ZFHX3: variants seen among roughly 807,000 people sequenced by gnomAD.
The protein encoded by ZFHX3 is zinc finger homeobox 3.
In ZFHX3, 42 loss-of-function variants were observed where a neutral mutation model predicts 279.1. The ratio of observed to expected loss-of-function variants is 0.15; its 90% CI spans 0.12 to 0.19. The LOEUF (loss-of-function observed/expected upper bound fraction) is 0.19. ZFHX3 is among the 10% of genes least tolerant of loss of function. ZFHX3 has a pLI of 1.00. For synonymous variants in ZFHX3, 2,293 were observed against 1,957.8 expected, an observed-to-expected ratio of 1.17 and a Z score of -4.52; for missense variants, 4,981 against 4,754.0, an observed-to-expected ratio of 1.05 and a Z score of -1.40.
chr16:73,545,159 C>T (rs539547840), intron 2 of ZFHX3, among the ~76,000 whole-genome samples: 50 of 152,158 alleles, frequency 3.3e-4, no homozygotes, highest in African/African-American at 1.1e-3. Context: ...CCGACCCCCA[C>T]CTCTGCTAAA....
chr16:73,562,569 C>T lies in ZFHX3; in HGVS notation c.-1546-106311G>A, dbSNP rs187282311. Among the ~76,000 whole-genome samples the T allele has an allele frequency of 3.0e-3, 418 of 139,062 alleles. 1 individual carries two copies. The highest frequency in any genetic ancestry group is 5.3e-3 in the Non-Finnish European group (353 of 66,814). The allele number at this position is 139,062 out of a possible 152,430, so 91.2% of individuals were successfully genotyped here. A position where few individuals can be genotyped will look rare whatever the true frequency, so the allele number is the denominator to read the frequency against. The stretch of plus-strand genomic sequence containing the variant: ...CGAGATGGCGCCACTGAACTCCAGC[C>T]TGGGCGACAGAGCCAGACTCCGTCT... On this transcript the variant is annotated intron_variant, in intron 2 of 17. Coordinates refer to the ZFHX3 transcript ENST00000641206.
At chr16:72,966,319 T>C (rs984104534) in intron 1 of ZFHX3, among the ~76,000 whole-genome samples, 3 of 152,198 alleles carry the variant, frequency 2.0e-5, no homozygotes, top group East Asian at 1.9e-4. Context: ...AAACTTTAGA[T>C]GGAAAAACAT....
At position 72,798,719 on chromosome 16, in the gene ZFHX3, TAAAA is replaced by T. The variant is rs75174704; in HGVS notation, c.3968-9_3968-6del. 1.4e-6 allele frequency: 2 copies of T among 1,433,066 alleles called. No individual in the cohort carries two copies. The highest frequency in any genetic ancestry group is 1.5e-5 in the African/African-American group (1 of 67,124). 88.8% of individuals were successfully genotyped at this position (1,433,066 alleles called of 1,614,324 possible). A position where few individuals can be genotyped will look rare whatever the true frequency, so the allele number is the denominator to read the frequency against. ...TTCCCAGATCCTCTGAGGTTTCTGT[TAAAA>T]AAAAAAAAAAAATCAAACCCAAAGA... is the stretch of plus-strand genomic sequence containing the variant. On this transcript the variant is annotated splice_region_variant and splice_polypyrimidine_tract_variant and intron_variant, in intron 8 of 9. Coordinates refer to ENST00000268489, the MANE Select transcript of ZFHX3 (RefSeq NM_006885.4).
intron 3 of ZFHX3, among the ~76,000 whole-genome samples, chr16:73,392,336 T>G (rs935409098): frequency 2.2e-5 from 3 of 138,378 alleles, no homozygotes; most frequent in African/African-American, 5.4e-5. Context: ...CACGGGACCC[T>G]TGAACCCTGG....
chr16:73,127,427 G>A (rs1966588680), intron 7 of ZFHX3: 1 of 1,305,376 alleles, frequency 7.7e-7, no homozygotes, highest in Non-Finnish European at 1.0e-6. Flanking sequence ...AGTAGCTGGA[G>A]CATCTCTGTT....
At chr16:73,610,015 G>C (rs1350666388) in intron 2 of ZFHX3, 5 of 152,154 alleles carry the variant, frequency 3.3e-5, no homozygotes, top group Non-Finnish European at 7.3e-5. Flanking sequence ...TACTGATTCT[G>C]TGTAGTAGAG....
rs752051101 is a variant in ZFHX3 at position 72,796,305 on chromosome 16, G to A, written c.6377C>T (p.Ala2126Val). 1.5e-5 allele frequency: 25 copies of A among 1,613,984 alleles called. No homozygotes were observed. Among genetic ancestry groups the A allele is most frequent in the East Asian group, 2.2e-5 (1 of 44,894 alleles). Residue 2126 changes from alanine to valine, a missense_variant, in exon 9 of 10, where the codon GCG (alanine) becomes GTG (valine). Physicochemically the swap from Ala to Val is moderately conservative, Grantham distance 64. Coordinates refer to ENST00000268489, the MANE Select transcript of ZFHX3 (RefSeq NM_006885.4). Reference protein sequence around the residue: ...PQLGPVEPLPADLAQLYQHQL... With the variant: ...PQLGPVEPLPVDLAQLYQHQL... Reference sequence around the variant, plus strand: ...ATGCTGGTAGAGTTGGGCCAGGTCCGCAGGCAGAGGCTCCACAGGTCCCAG... The same window carrying A: ...ATGCTGGTAGAGTTGGGCCAGGTCCACAGGCAGAGGCTCCACAGGTCCCAG...
chr16:73,455,276 T>C (rs1284883014), intron 3 of ZFHX3, among the ~76,000 whole-genome samples: 1 of 152,182 alleles, frequency 6.6e-6, no homozygotes, highest in Non-Finnish European at 1.5e-5. Flanking sequence ...AACTTTACAT[T>C]TGCATTCTCA....
chr16:73,786,306 A>G (rs328328), intron 1 of ZFHX3, among the ~76,000 whole-genome samples: 56,666 of 151,224 alleles, frequency 0.37, 10,945 homozygotes, highest in African/African-American at 0.47. Context: ...CTCTGAGTTC[A>G]TTTTTCTCTT....
intron 1 of ZFHX3, among the ~76,000 whole-genome samples, chr16:73,783,983 C>T (rs755348012): frequency 6.6e-6 from 1 of 152,014 alleles, no homozygotes; most frequent in East Asian, 1.9e-4. Context: ...CTTTAGAAAA[C>T]AAGGAAAGGA....
chr16:73,302,496 C>T (rs886330227), intron 4 of ZFHX3, among the ~76,000 whole-genome samples: 4 of 152,182 alleles, frequency 2.6e-5, no homozygotes, highest in Admixed American at 6.5e-5. Context: ...CCACCAGTCA[C>T]GCTGAGGGAT....
At chr16:73,187,641 C>T (rs756515087) in intron 5 of ZFHX3, among the ~76,000 whole-genome samples, 7 of 152,156 alleles carry the variant, frequency 4.6e-5, no homozygotes, top group East Asian at 1.9e-4. Flanking sequence ...GTAAAGAAAA[C>T]GGGTCTCATC....
chr16:73,240,189 C>T (rs202214221), intron 5 of ZFHX3, among the ~76,000 whole-genome samples: 15 of 151,828 alleles, frequency 9.9e-5, no homozygotes, highest in Non-Finnish European at 1.0e-4. Context: ...GACCACCAGA[C>T]GGTACTTTTG....
At chr16:73,445,744 T>C (rs1367725918) in intron 3 of ZFHX3, among the ~76,000 whole-genome samples, 2 of 152,206 alleles carry the variant, frequency 1.3e-5, no homozygotes, top group Admixed American at 6.5e-5. Context: ...CTGCACTGCC[T>C]GTGCCTGCGG....
chr16:73,290,018 C>T (rs1480352727), intron 4 of ZFHX3, among the ~76,000 whole-genome samples: 1 of 10,954 alleles, frequency 9.1e-5, no homozygotes, highest in Non-Finnish European at 1.6e-4. Context: ...GAAATAACCA[C>T]ACACACACAC....
chr16:73,486,807 A>G (rs1369231099), intron 2 of ZFHX3: 3 of 455,894 alleles, frequency 6.6e-6, no homozygotes, highest in Non-Finnish European at 1.3e-5. Flanking sequence ...CCATCGTTCA[A>G]TGTACCGTGG....
At chr16:73,512,825 T>G (rs2019456638) in intron 2 of ZFHX3, among the ~76,000 whole-genome samples, 1 of 152,158 alleles carries the variant, frequency 6.6e-6, no homozygotes, top group Non-Finnish European at 1.5e-5. Context: ...TTTGAGAACA[T>G]GAAACCCACT....
intron 3 of ZFHX3, among the ~76,000 whole-genome samples, chr16:73,389,438 AG>A (rs2016966926): frequency 2.0e-5 from 3 of 152,354 alleles, no homozygotes; most frequent in African/African-American, 7.2e-5. Flanking sequence ...AATTGTCAAA[AG>A]GTCTTTCTCT....
intron 4 of ZFHX3, among the ~76,000 whole-genome samples, chr16:72,830,994 C>T (rs1271636850): frequency 6.6e-6 from 1 of 152,132 alleles, no homozygotes; most frequent in Non-Finnish European, 1.5e-5. Context: ...GGCCTCTATC[C>T]AGCACCGCCA....
Sources: gnomAD v4.1 joint callset for allele counts (sites outside exome capture counted in the v4.1 genomes callset) on GRCh38, gnomAD v4.1.1 for gene constraint, MANE v1.5 for transcripts, NCBI Gene and HGNC (gene_info 2026-07-23, HGNC 2026-07-21) for gene names.